Variants in WNT2B observed in about 807,000 individuals in gnomAD.
WNT2B encodes the protein Wnt family member 2B.
In WNT2B, 19 loss-of-function variants were observed where a neutral mutation model predicts 40.5. The ratio of observed to expected loss-of-function variants is 0.47; its 90% confidence interval spans 0.33 to 0.69. WNT2B has a LOEUF of 0.69. Among genes scored for constraint, WNT2B ranks in the 30% least tolerant of loss-of-function variants. WNT2B has a pLI of 0.02. For synonymous variants in WNT2B, 220 were observed against 211.9 expected (o/e 1.04, Z -0.33); for missense variants, 467 against 556.4 (o/e 0.84, Z 1.62).
Position 112,526,070 on chromosome 1 carries a change from G to C in WNT2B, c.*5561G>C. On this transcript the variant is annotated 3_prime_UTR_variant, in exon 5 of 5. Transcript: ENST00000369684. ...TCAAATCCTGTGTATTCTCCTCAAA[G>C]CCTGAGGATGCCCAGGGTTGGGGGC... 2 of 1,614,144 alleles carry C rather than the reference G, an allele frequency of 1.2e-6. No individual in the cohort carries two copies. Among genetic ancestry groups the C allele is most frequent in the Non-Finnish European group, 1.7e-6 (2 of 1,180,034 alleles).
intron 1 of WNT2B, among the ~76,000 whole-genome samples, chr1:112,479,935 A>G (rs149176916): frequency 0.055 from 8,286 of 151,742 alleles, 265 homozygotes; most frequent in Middle Eastern, 0.096. Context: ...GATGGTCTCA[A>G]TCTCCTGACC....
chr1:112,513,216 C>G (rs1570792709), intron 1 of WNT2B, among the ~76,000 whole-genome samples: 1 of 152,174 alleles, frequency 6.6e-6, no homozygotes, highest in African/African-American at 2.4e-5. Flanking sequence ...GCTCCAACTC[C>G]AACGGTCTTG....
intron 1 of WNT2B, among the ~76,000 whole-genome samples, chr1:112,512,306 A>G (rs1652381475): frequency 6.6e-6 from 1 of 152,184 alleles, no homozygotes; most frequent in South Asian, 2.1e-4. Context: ...AGTACTGGGG[A>G]TATTGAATTG....
chr1:112,519,529 T>C (rs1160043924), intron 4 of WNT2B, among the ~76,000 whole-genome samples: 1 of 152,178 alleles, frequency 6.6e-6, no homozygotes, highest in East Asian at 1.9e-4. Context: ...TCTCTTTTGC[T>C]AAAATCAGTC....
chr1:112,499,664 A>G (rs1015120934), intron 1 of WNT2B, among the ~76,000 whole-genome samples: 2 of 152,254 alleles, frequency 1.3e-5, no homozygotes, highest in African/African-American at 4.8e-5. Flanking sequence ...AAACAGGTAC[A>G]AAAACCCTAT....
Position 112,526,249 on chromosome 1 carries a change from T to C in WNT2B, c.*5740T>C. 8.8e-7 allele frequency: 1 copy of C among 1,130,298 alleles called. No individual in the cohort carries two copies. The allele number at this position is 1,130,298 out of a possible 1,614,324, so 70.0% of individuals were successfully genotyped here. A position where few individuals can be genotyped will look rare whatever the true frequency, so the allele number is the denominator to read the frequency against. ...TTATCAACCAATGGCTCTTTTGCCATTTCTGCCACTATTACCACCAGTACC... is the reference window on the plus strand; with the variant it reads ...TTATCAACCAATGGCTCTTTTGCCACTTCTGCCACTATTACCACCAGTACC... On this transcript the variant is annotated 3_prime_UTR_variant, in exon 5 of 5. Coordinates refer to ENST00000369684, the MANE Select transcript of WNT2B (RefSeq NM_024494.3).
At position 112,522,064 on chromosome 1, in the gene WNT2B, T is replaced by G. The variant is rs1158211642; in HGVS notation, c.*1555T>G. 6.6e-6 allele frequency: 1 copy of G among 152,228 alleles called. No homozygotes were observed. Among genetic ancestry groups the G allele is most frequent in the Non-Finnish European group, 1.5e-5 (1 of 68,064 alleles). 9.4% of individuals were successfully genotyped at this position (152,228 alleles called of 1,614,324 possible). On this transcript the variant is annotated 3_prime_UTR_variant, in exon 5 of 5. Coordinates refer to ENST00000369684, the MANE Select transcript of WNT2B (RefSeq NM_024494.3). ...ATTTCTTTTAGAGATAGGGTCTCGC[T>G]TTGTTGCCCAGGCTGGAGTGCACTG...
Position 112,509,345 on chromosome 1 carries a change from C to T in WNT2B, c.83C>T (p.Ala28Val). 1.3e-6 allele frequency: 2 copies of T among 1,592,382 alleles called. No homozygotes were observed. Among genetic ancestry groups the T allele is most frequent in the East Asian group, 2.3e-5 (1 of 43,804 alleles). The change falls in exon 1 of 5, where the codon GCG becomes GTG. Residue 28 changes from alanine to valine, a missense_variant. Ala to Val is a moderately conservative substitution (Grantham distance 64, BLOSUM62 0). This residue lies in a region of WNT2B where 137 missense variants were observed against 117.7 expected (regional missense o/e 1.16). Coordinates refer to ENST00000369684, the MANE Select transcript of WNT2B (RefSeq NM_024494.3). The surrounding 1 kb of genome is among the most constrained non-coding windows in gnomAD (Gnocchi z 4.2). ...GCCCCGGTCCCTGTGCCGTCGCCCG[C>T]GGCCCCCGACGGCTCCCGGGCTTCG... ...ASAPVPVPSP[A>V]APDGSRASAR...
rs762964035 is a variant in WNT2B, at chr1:112,522,648, A to G, written c.*2139A>G. The G allele has an allele frequency of 6.6e-6, 1 of 152,224 alleles. No homozygotes were observed. The highest frequency in any genetic ancestry group is 6.5e-5 in the Admixed American group (1 of 15,272). The allele number at this position is 152,224 out of a possible 1,614,324, so 9.4% of individuals were successfully genotyped here. ...CAGATTTATTTGGATGATAGGACTAATATTTGTGTAACCTGCTGAGACCTG... is the reference window on the plus strand; with the variant it reads ...CAGATTTATTTGGATGATAGGACTAGTATTTGTGTAACCTGCTGAGACCTG... On this transcript the variant is annotated 3_prime_UTR_variant, in exon 5 of 5. Transcript: ENST00000369684.
chr1:112,506,156 A>G (rs1652099740), upstream of WNT2B, among the ~76,000 whole-genome samples: 1 of 152,056 alleles, frequency 6.6e-6, no homozygotes, highest in Non-Finnish European at 1.5e-5. Flanking sequence ...ACAGGTGTGC[A>G]TGACCACACC....
upstream of WNT2B, among the ~76,000 whole-genome samples, chr1:112,504,552 CT>C (rs1189826185): frequency 1.3e-5 from 2 of 152,172 alleles, no homozygotes; most frequent in Non-Finnish European, 2.9e-5. Flanking sequence ...GATCCCCACT[CT>C]TTTCCCCCCT....
chr1:112,495,803 A>T (rs1651745949), intron 1 of WNT2B, among the ~76,000 whole-genome samples: 2 of 152,224 alleles, frequency 1.3e-5, no homozygotes, highest in Admixed American at 1.3e-4. Context: ...TATAAAGGAC[A>T]GAAATTTATG....
chr1:112,472,149 T>C (rs766210426), intron 1 of WNT2B, among the ~76,000 whole-genome samples: 4 of 152,222 alleles, frequency 2.6e-5, no homozygotes, highest in African/African-American at 9.7e-5. Flanking sequence ...GTGAGTCTTA[T>C]AATTGCCCCC....
chr1:112,504,346 G>T (rs1458181534), upstream of WNT2B, among the ~76,000 whole-genome samples: 2 of 151,916 alleles, frequency 1.3e-5, no homozygotes, highest in Non-Finnish European at 2.9e-5. Context: ...CCTCAGGGGA[G>T]CAGTTTGTGC....
Position 112,517,167 on chromosome 1 carries a change from G to A in WNT2B, c.728G>A (p.Ser243Asn), listed in dbSNP as rs1366756361. 2 of 1,614,108 alleles carry A rather than the reference G, an allele frequency of 1.2e-6. No homozygotes were observed. Among genetic ancestry groups the A allele is most frequent in the Non-Finnish European group, 1.7e-6 (2 of 1,179,956 alleles). ...CTGGAGTGTAAGTGCCATGGCGTGA[G>A]TGGTTCCTGTACTCTGCGCACCTGC... ...LKLECKCHGVSGSCTLRTCWR... is the reference protein window; with the variant it reads ...LKLECKCHGVNGSCTLRTCWR... The change falls in exon 4 of 5, where the codon AGT (serine) becomes AAT (asparagine). Residue 243 changes from serine to asparagine, a missense_variant. Physicochemically the swap from Ser to Asn is conservative, Grantham distance 46. This residue lies in a region of WNT2B where 330 missense variants were observed against 438.6 expected (regional missense o/e 0.75). Transcript: ENST00000369684.
chr1:112,501,981 G>A (rs986052547), intron 1 of WNT2B, among the ~76,000 whole-genome samples: 7 of 152,252 alleles, frequency 4.6e-5, no homozygotes, highest in Non-Finnish European at 1.0e-4. Context: ...CCTTTCCCGC[G>A]AACGCCACGG....
intron 1 of WNT2B, among the ~76,000 whole-genome samples, chr1:112,510,642 C>T (rs1354495147): frequency 6.6e-6 from 1 of 152,132 alleles, no homozygotes; most frequent in African/African-American, 2.4e-5. Flanking sequence ...AAGATGCCGT[C>T]TCTCCTTATC....
chr1:112,476,785 TC>T (rs1651066914), intron 1 of WNT2B, among the ~76,000 whole-genome samples: 1 of 152,062 alleles, frequency 6.6e-6, no homozygotes, highest in African/African-American at 2.4e-5. Flanking sequence ...TGCTGCTGTG[TC>T]CCCCTGGAGA....
chr1:112,486,092 C>T (rs1651407197), intron 1 of WNT2B, among the ~76,000 whole-genome samples: 1 of 147,178 alleles, frequency 6.8e-6, no homozygotes, highest in Admixed American at 6.8e-5. Flanking sequence ...TGCTTGAGCC[C>T]AGGAGTTCAA....
Sources: gnomAD v4.1 joint callset for allele counts (sites outside exome capture counted in the v4.1 genomes callset) on GRCh38, gnomAD v4.1.1 for gene constraint, gnomAD v4.1.1 regional missense constraint, Gnocchi (gnomAD v3.1) non-coding constraint, MANE v1.5 for transcripts, NCBI Gene and HGNC (gene_info 2026-07-23, HGNC 2026-07-21) for gene names.